The following PHF14 variants were observed in gnomAD, a reference collection of about 807,000 sequenced individuals.
PHF14 encodes PHD finger protein 14.
In PHF14, 55 loss-of-function variants were observed where a neutral mutation model predicts 117.9. The ratio of observed to expected loss-of-function variants is 0.47; its 90% confidence interval spans 0.38 to 0.58. The LOEUF (loss-of-function observed/expected upper bound fraction) is 0.58, where lower values mean the gene tolerates loss of function less well. Ranked by LOEUF, PHF14 falls within the 20% of genes least tolerant of loss-of-function variation. The probability of loss-of-function intolerance (pLI) is 0.00; values close to 1 mark genes in which losing one functional copy is unlikely to be tolerated. For synonymous variants in PHF14, 409 were observed against 368.6 expected (o/e 1.11, Z -1.26); for missense variants, 978 against 1,122.2 (o/e 0.87, Z 1.84).
intron 5 of PHF14, among the ~76,000 whole-genome samples, chr7:11,016,054 A>G (rs1302751234): frequency 6.6e-6 from 1 of 152,156 alleles, no homozygotes; most frequent in Non-Finnish European, 1.5e-5. Context: ...TTGTTTCTGA[A>G]TGAAGAAAAC....
chr7:11,105,103 C>T (rs1787215488), intron 16 of PHF14: 1 of 962,752 alleles, frequency 1.0e-6, no homozygotes, highest in African/African-American at 1.8e-5. Context: ...ATAAACATAG[C>T]CTGTGTTCAC....
intron 17 of PHF14, among the ~76,000 whole-genome samples, chr7:11,113,520 T>C (rs1232565952): frequency 1.3e-5 from 2 of 152,202 alleles, no homozygotes; most frequent in East Asian, 3.8e-4. Flanking sequence ...TGGTTTCTAA[T>C]ATTGGAATGT....
chr7:11,009,737 G>A (rs1468997448), intron 4 of PHF14, among the ~76,000 whole-genome samples: 1 of 152,132 alleles, frequency 6.6e-6, no homozygotes, highest in East Asian at 1.9e-4. Flanking sequence ...CTCTATAAAG[G>A]TAATGACACA....
intron 16 of PHF14, chr7:11,106,160 T>C (rs1277041326): frequency 6.1e-6 from 6 of 981,782 alleles, no homozygotes; most frequent in Non-Finnish European, 6.0e-6. Context: ...ACATTTAATC[T>C]TGTAATCTGG....
intron 17 of PHF14, among the ~76,000 whole-genome samples, chr7:11,136,314 A>G (rs1238764584): frequency 1.3e-5 from 2 of 152,166 alleles, no homozygotes; most frequent in Non-Finnish European, 2.9e-5. Flanking sequence ...GAAGGAATTT[A>G]GAACTTTTCA....
intron 16 of PHF14, chr7:11,103,403 AC>A: frequency 2.0e-6 from 2 of 981,056 alleles, no homozygotes. Flanking sequence ...TATTGACTAT[AC>A]AACCTACCAG....
chr7:11,137,590 C>CTTTTTTTTTT (rs5882293), intron 17 of PHF14, among the ~76,000 whole-genome samples: 1 of 93,966 alleles, frequency 1.1e-5, no homozygotes, highest in Non-Finnish European at 2.0e-5. Context: ...CTTAAAAATT[C>CTTTTTTTTTT]TTTTTTTTTT....
intron 17 of PHF14, among the ~76,000 whole-genome samples, chr7:11,122,810 T>G (rs987950969): frequency 1.3e-5 from 2 of 152,138 alleles, no homozygotes; most frequent in African/African-American, 2.4e-5. Context: ...GTATATTAAA[T>G]TAGTAGTAGC....
At position 10,974,220 on chromosome 7, in the gene PHF14, C is replaced by G. The variant is rs1354088276; in HGVS notation, c.-104C>G. 2 of 1,003,196 alleles carry G rather than the reference C, an allele frequency of 2.0e-6. No homozygotes were observed. The highest frequency in any genetic ancestry group is 3.2e-5 in the African/African-American group (2 of 62,460). The allele number at this position is 1,003,196 out of a possible 1,614,324, so 62.1% of individuals were successfully genotyped here. A position where few individuals can be genotyped will look rare whatever the true frequency, so the allele number is the denominator to read the frequency against. ...GCTGCGCGCCGGTTTTAAATAGCAT[C>G]TTTCGGACTTGTCTTCGCGGCCCCA... On this transcript the variant is annotated 5_prime_UTR_variant, in exon 1 of 18. In the 5' UTR this introduces an upstream ATG that the reference lacks. Coordinates refer to ENST00000634607, the MANE Select transcript of PHF14 (RefSeq NM_001007157.2).
chr7:10,981,385 C>T (rs1782039644), intron 2 of PHF14, among the ~76,000 whole-genome samples: 1 of 152,208 alleles, frequency 6.6e-6, no homozygotes, highest in African/African-American at 2.4e-5. Flanking sequence ...TTTCTCGCTT[C>T]AAAGATTTTA....
rs1290844346 is a variant in PHF14, at chr7:11,022,968, T to C, written c.1306T>C (p.Tyr436His). The C allele has an allele frequency of 1.3e-6, 2 of 1,590,194 alleles. No homozygotes were observed. The highest frequency in any genetic ancestry group is 1.7e-6 in the Non-Finnish European group (2 of 1,161,494). The part of the protein sequence containing the change: ...VTLTEMNYSK[Y>H]GAKECSFCED... ...ACTAACGGAAATGAACTATTCCAAA[T>C]ATGGTGCCAAGGTGAGACACAAAGC... Residue 436 changes from tyrosine to histidine, a missense_variant, in exon 6 of 18, where the codon TAT becomes CAT. Tyr to His is a moderately conservative substitution (Grantham distance 83, BLOSUM62 2). This residue lies in a region of PHF14 where 86 missense variants were observed against 137.8 expected (regional missense o/e 0.62). Coordinates refer to ENST00000634607, the MANE Select transcript of PHF14 (RefSeq NM_001007157.2).
Position 11,130,237 on chromosome 7 carries a change from C to T in PHF14, c.2772+18770C>T, listed in dbSNP as rs1020198591. Among the ~76,000 whole-genome samples, 1 of 152,002 alleles carries T rather than the reference C, an allele frequency of 6.6e-6. No homozygotes were observed. Among genetic ancestry groups the T allele is most frequent in the African/African-American group, 2.4e-5 (1 of 41,434 alleles). On this transcript the variant is annotated intron_variant, in intron 17 of 17. Transcript: ENST00000634607. This position sits in a 1 kb window ranked among gnomAD's most constrained non-coding sequence, Gnocchi z 4.2. ...ATTTGATACATATCACTCCAGGCCA[C>T]ATTCCTCAGATGACGCAGTCAAACC...
chr7:11,011,218 G>T (rs1034486259), intron 4 of PHF14, among the ~76,000 whole-genome samples: 1 of 151,910 alleles, frequency 6.6e-6, no homozygotes, highest in Admixed American at 6.6e-5. Flanking sequence ...ATTGTATATG[G>T]CTCTTTTCCT....
At chr7:11,137,446 A>G (rs1788254843) in intron 17 of PHF14, among the ~76,000 whole-genome samples, 1 of 152,092 alleles carries the variant, frequency 6.6e-6, no homozygotes, top group South Asian at 2.1e-4. Flanking sequence ...TTTTTAAGAC[A>G]TTTATTTAAT....
chr7:11,161,765 A>G (rs985789855), intron 17 of PHF14, among the ~76,000 whole-genome samples: 2 of 105,800 alleles, frequency 1.9e-5, no homozygotes, highest in African/African-American at 8.2e-5. Flanking sequence ...TAGATTTTAG[A>G]TAACATTTTT....
intron 11 of PHF14, among the ~76,000 whole-genome samples, chr7:11,039,599 A>G (rs1247445172): frequency 6.6e-6 from 1 of 152,110 alleles, no homozygotes; most frequent in Non-Finnish European, 1.5e-5. Flanking sequence ...AAGTAGTTTT[A>G]TTTGTGAAGG....
chr7:11,072,455 C>A (rs771884875), intron 16 of PHF14, among the ~76,000 whole-genome samples: 18 of 152,104 alleles, frequency 1.2e-4, no homozygotes, highest in Admixed American at 2.6e-4. Context: ...AGGTTTTAAA[C>A]CTTCTTTTGT....
At chr7:11,114,480 T>G (rs1176557264) in intron 17 of PHF14, among the ~76,000 whole-genome samples, 2 of 152,264 alleles carry the variant, frequency 1.3e-5, no homozygotes, top group Non-Finnish European at 2.9e-5. Context: ...AGATTCATCA[T>G]ATCTGAATTC....
At chr7:11,022,710 A>C (rs1166301466) in intron 5 of PHF14, among the ~76,000 whole-genome samples, 158 bp from the exon 6 acceptor site, 2 of 152,132 alleles carry the variant, frequency 1.3e-5, no homozygotes, top group East Asian at 3.8e-4. Context: ...TAGGTGTTTC[A>C]TATTTTTTAA....
Sources: gnomAD v4.1 joint callset for allele counts (sites outside exome capture counted in the v4.1 genomes callset) on GRCh38, gnomAD v4.1.1 for gene constraint, gnomAD v4.1.1 regional missense constraint, Gnocchi (gnomAD v3.1) non-coding constraint, MANE v1.5 for transcripts, NCBI Gene and HGNC (gene_info 2026-07-23, HGNC 2026-07-21) for gene names.